GTF2A1: variants seen among roughly 807,000 people sequenced by gnomAD.
GTF2A1 encodes the protein general transcription factor IIA subunit 1.
In GTF2A1, 12 loss-of-function variants were observed where a neutral mutation model predicts 54.1. The ratio of observed to expected loss-of-function variants is 0.22; its 90% CI spans 0.14 to 0.36. The LOEUF (loss-of-function observed/expected upper bound fraction) is 0.36, where lower values mean the gene tolerates loss of function less well. Among genes scored for constraint, GTF2A1 ranks in the 10% least tolerant of loss-of-function variants. The probability of loss-of-function intolerance (pLI) is 1.00; values close to 1 mark genes in which losing one functional copy is unlikely to be tolerated. For synonymous variants in GTF2A1, 145 were observed against 152.0 expected, an observed-to-expected ratio of 0.95 and a Z score of 0.34; for missense variants, 335 against 442.2, an observed-to-expected ratio of 0.76 and a Z score of 2.17.
At chr14:81,202,616 G>T in intron 3 of GTF2A1, 1 of 507,394 alleles carries the variant, frequency 2.0e-6, no homozygotes, top group Non-Finnish European at 3.9e-6. Context: ...CAGGTTGCCT[G>T]AAGAGTGGTA....
chr14:81,220,107 C>A (rs997880665), intron 1 of GTF2A1, among the ~76,000 whole-genome samples: 1 of 151,692 alleles, frequency 6.6e-6, no homozygotes, highest in Non-Finnish European at 1.5e-5. Flanking sequence ...ACTCGGGGAG[C>A]CCTCGTCAAG....
At chr14:81,199,086 A>C (rs1402716720) in intron 4 of GTF2A1, among the ~76,000 whole-genome samples, 1 of 152,248 alleles carries the variant, frequency 6.6e-6, no homozygotes, top group Non-Finnish European at 1.5e-5. Flanking sequence ...GGAAAATATT[A>C]ACCACCACAT....
intron 7 of GTF2A1, among the ~76,000 whole-genome samples, chr14:81,188,790 AG>A (rs1431911536): frequency 2.1e-5 from 3 of 143,758 alleles, no homozygotes; most frequent in African/African-American, 7.7e-5. Flanking sequence ...AAAAAAAAAA[AG>A]AAACTGTTGC....
At chr14:81,191,583 T>C (rs1595212813) in intron 7 of GTF2A1, among the ~76,000 whole-genome samples, 1 of 152,134 alleles carries the variant, frequency 6.6e-6, no homozygotes, top group African/African-American at 2.4e-5. Flanking sequence ...GTTGTAAACA[T>C]GCAAAACTAA....
rs1893016412 is a variant in GTF2A1 at position 81,197,496 on chromosome 14, A to G, written c.403-12T>C. ...GTAGCAGCAGCACTCTGAAAAAAAC[A>G]AAGAAAAAATATCAAAACCACATAC... On this transcript the variant is annotated splice_polypyrimidine_tract_variant and intron_variant, in intron 4 of 8. Coordinates refer to ENST00000553612, the MANE Select transcript of GTF2A1 (RefSeq NM_015859.4). The G allele has an allele frequency of 2.7e-6, 4 of 1,501,832 alleles. No homozygotes were observed. Among genetic ancestry groups the G allele is most frequent in the Non-Finnish European group, 3.7e-6 (4 of 1,092,578 alleles). The allele number at this position is 1,501,832 out of a possible 1,614,324, so 93.0% of individuals were successfully genotyped here. A position where few individuals can be genotyped will look rare whatever the true frequency, so the allele number is the denominator to read the frequency against.
At position 81,220,932 on chromosome 14, in the gene GTF2A1, ACCGCCG is replaced by A. The variant is rs3040313; in HGVS notation, c.-420_-415del. ...GAGCCAACAAGCTGCGCGAGCCACCACCGCCGCCGCCGCCGCCGCCGAGAGACAGGG... is the reference window on the plus strand; with the variant it reads ...GAGCCAACAAGCTGCGCGAGCCACCACCGCCGCCGCCGCCGAGAGACAGGG... On this transcript the variant is annotated 5_prime_UTR_variant, in exon 1 of 9. Transcript: ENST00000553612. The A allele has an allele frequency of 1.2e-5, 2 of 164,312 alleles. No homozygotes were observed. Among genetic ancestry groups the A allele is most frequent in the Admixed American group, 6.5e-5 (1 of 15,352 alleles). The allele number at this position is 164,312 out of a possible 1,614,324, so 10.2% of individuals were successfully genotyped here. A position where few individuals can be genotyped will look rare whatever the true frequency, so the allele number is the denominator to read the frequency against.
rs200702430 is a variant in GTF2A1 at position 81,196,245 on chromosome 14, A to C, written c.479-4T>G. On this transcript the variant is annotated splice_region_variant and splice_polypyrimidine_tract_variant and intron_variant, in intron 5 of 8. Coordinates refer to ENST00000553612, the MANE Select transcript of GTF2A1 (RefSeq NM_015859.4). The stretch of plus-strand genomic sequence containing the variant: ...CTGACCACCTGAAGAAGCTGGCCTA[A>C]AGCAAAAAGCATGCATTCCGAGTTA... 17 of 1,614,092 alleles carry C rather than the reference A, an allele frequency of 1.1e-5. No individual in the cohort carries two copies. The Admixed American group carries it at 2.7e-4, about 25-fold the overall frequency.
At chr14:81,187,758 G>A (rs954490372) in intron 7 of GTF2A1, among the ~76,000 whole-genome samples, 1 of 152,100 alleles carries the variant, frequency 6.6e-6, no homozygotes, top group Admixed American at 6.5e-5. Context: ...TATACCACTT[G>A]GATATCATAA....
chr14:81,181,632 C>A (rs899938168), intron 8 of GTF2A1, among the ~76,000 whole-genome samples: 4 of 152,178 alleles, frequency 2.6e-5, no homozygotes, highest in Non-Finnish European at 4.4e-5. Context: ...GCAACCTCCC[C>A]CTCCCAGGTT....
intron 7 of GTF2A1, among the ~76,000 whole-genome samples, chr14:81,191,256 T>G (rs1301967407): frequency 3.9e-5 from 6 of 152,202 alleles, no homozygotes; most frequent in Admixed American, 3.9e-4. Context: ...CAGAAGTGAT[T>G]TGGCATTTTA....
intron 2 of GTF2A1, among the ~76,000 whole-genome samples, chr14:81,213,592 A>G (rs115298029): frequency 3.0e-4 from 46 of 152,322 alleles, no homozygotes; most frequent in African/African-American, 1.1e-3. Context: ...ATTCCACGTT[A>G]CACTAAGGAA....
chr14:81,198,265 T>C (rs1282040858), intron 4 of GTF2A1, among the ~76,000 whole-genome samples: 3 of 152,006 alleles, frequency 2.0e-5, no homozygotes, highest in Non-Finnish European at 1.5e-5. Context: ...GGCAATATGG[T>C]GAAATCCCAT....
chr14:81,201,282 C>A (rs1893104653), intron 4 of GTF2A1, among the ~76,000 whole-genome samples: 1 of 152,174 alleles, frequency 6.6e-6, no homozygotes, highest in South Asian at 2.1e-4. Flanking sequence ...TACTAGGTCT[C>A]CTGAAACAGA....
intron 2 of GTF2A1, chr14:81,210,041 T>A (rs2140037249): frequency 7.1e-5 from 10 of 141,040 alleles, no homozygotes; most frequent in South Asian, 6.9e-4. Context: ...TCATACAGAA[T>A]GGTCCCACAA....
chr14:81,208,710 G>A (rs1893296396), intron 2 of GTF2A1, among the ~76,000 whole-genome samples: 1 of 152,240 alleles, frequency 6.6e-6, no homozygotes, highest in Non-Finnish European at 1.5e-5. Context: ...ACGGGGCAGA[G>A]TTGCCCAAGA....
At chr14:81,196,068 A>G in intron 6 of GTF2A1, 40 bp downstream of exon 6, 1 of 1,590,616 alleles carries the variant, frequency 6.3e-7, no homozygotes, top group Non-Finnish European at 8.6e-7. Flanking sequence ...TACAGAATAA[A>G]ACAGAACCCC....
intron 6 of GTF2A1, among the ~76,000 whole-genome samples, chr14:81,195,873 G>A (rs1446127767): frequency 6.6e-6 from 1 of 152,080 alleles, no homozygotes; most frequent in African/African-American, 2.4e-5. Flanking sequence ...TGGAAGGAGA[G>A]TGCTGCCACC....
At chr14:81,217,909 T>G (rs537233966) in intron 1 of GTF2A1, among the ~76,000 whole-genome samples, 1 of 152,346 alleles carries the variant, frequency 6.6e-6, no homozygotes, top group South Asian at 2.1e-4. Context: ...TGCTTTACTG[T>G]TCACTCACTA....
rs1595237270 is a variant in GTF2A1 at position 81,220,755 on chromosome 14, C to T, written c.-237G>A. The T allele has an allele frequency of 2.6e-6, 1 of 390,398 alleles. No individual in the cohort carries two copies. Among genetic ancestry groups the T allele is most frequent in the Non-Finnish European group, 4.6e-6 (1 of 219,518 alleles). The allele number at this position is 390,398 out of a possible 1,614,324, so 24.2% of individuals were successfully genotyped here. ...ATCGCCTTAAAAAAAAAAAAAAAGC[C>T]ACGACCCTTCAGGGGTCCGGGGGGC... On this transcript the variant is annotated 5_prime_UTR_variant, in exon 1 of 9. Coordinates refer to ENST00000553612, the MANE Select transcript of GTF2A1 (RefSeq NM_015859.4).
Sources: gnomAD v4.1 joint callset for allele counts (sites outside exome capture counted in the v4.1 genomes callset) on GRCh38, gnomAD v4.1.1 for gene constraint, MANE v1.5 for transcripts, NCBI Gene and HGNC (gene_info 2026-07-23, HGNC 2026-07-21) for gene names.